TMEM106B: variants seen among roughly 807,000 people sequenced by gnomAD.
The protein encoded by TMEM106B is transmembrane protein 106B.
A neutral mutation model predicts 31.1 loss-of-function variants in TMEM106B; 15 were observed. The observed-to-expected ratio is 0.48, with a 90% CI of 0.32 to 0.74. TMEM106B has a LOEUF of 0.74. Among genes scored for constraint, TMEM106B ranks in the 30% least tolerant of loss-of-function variants. The pLI is 0.03. For missense variants in TMEM106B, 283 were observed against 327.3 expected (o/e 0.86, Z 1.04); for synonymous variants, 126 against 112.5 (o/e 1.12, Z -0.76).
chr7:12,218,589 T>C (rs995690770), intron 3 of TMEM106B, 68 bp downstream of exon 3: 4 of 1,341,570 alleles, frequency 3.0e-6, no homozygotes, highest in Non-Finnish European at 4.1e-6. Flanking sequence ...TTTCAAATTA[T>C]GTATAATAAC....
At chr7:12,213,923 G>C (rs1781631330) in intron 1 of TMEM106B, among the ~76,000 whole-genome samples, 1 of 152,060 alleles carries the variant, frequency 6.6e-6, no homozygotes. Context: ...TGGGTGGAGG[G>C]GATTGAACAT....
intron 1 of TMEM106B, among the ~76,000 whole-genome samples, chr7:12,212,245 A>G (rs1238512260): frequency 3.3e-5 from 5 of 152,192 alleles, no homozygotes; most frequent in Admixed American, 1.3e-4. Context: ...GTTAAGATGC[A>G]GCTTACAGCC....
chr7:12,231,195 A>G (rs1366661759), intron 7 of TMEM106B, 80 bp downstream of exon 7: 8 of 994,734 alleles, frequency 8.0e-6, no homozygotes, highest in Non-Finnish European at 1.1e-5. Flanking sequence ...TATACACAAC[A>G]TCTTTATAAA....
At chr7:12,211,831 A>C (rs1476951121) in intron 1 of TMEM106B, among the ~76,000 whole-genome samples, 1 of 152,316 alleles carries the variant, frequency 6.6e-6, no homozygotes, top group East Asian at 1.9e-4. Context: ...TTAGAACTAA[A>C]ACCAGTGTCT....
Position 12,224,324 on chromosome 7 carries a change from G to T in TMEM106B, c.380G>T (p.Gly127Val). ...CGCTCTATCGACGTGAAATACATTG[G>T]TGTAAAATCAGCCTATGTCAGTTAT... is the stretch of plus-strand genomic sequence containing the variant. Reference protein sequence around the residue: ...FPRSIDVKYIGVKSAYVSYDV... With the variant: ...FPRSIDVKYIVVKSAYVSYDV... Residue 127 changes from glycine to valine, a missense_variant, in exon 4 of 8, where the codon GGT (glycine) becomes GTT (valine). Physicochemically the swap from Gly to Val is moderately radical, Grantham distance 109 (BLOSUM62 -3). Transcript: ENST00000396668. 1 of 1,613,946 alleles carries T rather than the reference G, an allele frequency of 6.2e-7. No homozygotes were observed. Among genetic ancestry groups the T allele is most frequent in the Non-Finnish European group, 8.5e-7 (1 of 1,179,932 alleles).
chr7:12,228,641 G>A (rs762007655), intron 4 of TMEM106B, among the ~76,000 whole-genome samples: 17 of 151,692 alleles, frequency 1.1e-4, no homozygotes, highest in Admixed American at 4.6e-4. Flanking sequence ...AGGATTGCCC[G>A]ATCAAAGTCT....
chr7:12,231,829 A>AT lies in TMEM106B; in HGVS notation c.687-3dup, dbSNP rs772196519. On this transcript the variant is annotated splice_polypyrimidine_tract_variant and splice_region_variant and intron_variant, in intron 7 of 7. Coordinates refer to ENST00000396668, the MANE Select transcript of TMEM106B (RefSeq NM_001134232.2). ...TTAAATGTCTCTCCTCACTTACATT[A>AT]TTTTTAGAGTTACTGTGACAACAAC... 1.3e-6 allele frequency: 2 copies of AT among 1,589,754 alleles called. No individual in the cohort carries two copies. The highest frequency in any genetic ancestry group is 2.7e-5 in the African/African-American group (2 of 74,526).
At chr7:12,220,276 A>G (rs887304684) in intron 3 of TMEM106B, among the ~76,000 whole-genome samples, 1 of 152,196 alleles carries the variant, frequency 6.6e-6, no homozygotes, top group African/African-American at 2.4e-5. Flanking sequence ...ATGATTTTGA[A>G]TGCAGAAAAG....
chr7:12,214,188 C>T (rs1385584361), intron 1 of TMEM106B: 2 of 152,180 alleles, frequency 1.3e-5, no homozygotes, highest in African/African-American at 4.8e-5. Flanking sequence ...ACAGAATCCC[C>T]TTTCCTTTCC....
chr7:12,218,080 C>T (rs929908550), intron 2 of TMEM106B, among the ~76,000 whole-genome samples: 8 of 151,928 alleles, frequency 5.3e-5, no homozygotes, highest in African/African-American at 1.9e-4. Flanking sequence ...CAGGAAAGGG[C>T]GATACCAATA....
chr7:12,221,050 G>A (rs1434865410), intron 3 of TMEM106B, among the ~76,000 whole-genome samples: 1 of 151,674 alleles, frequency 6.6e-6, no homozygotes, highest in Middle Eastern at 3.4e-3. Flanking sequence ...TCTGAGTTTG[G>A]GAAGGAATTT....
chr7:12,220,400 A>G (rs1361936361), intron 3 of TMEM106B, among the ~76,000 whole-genome samples: 1 of 152,188 alleles, frequency 6.6e-6, no homozygotes, highest in Non-Finnish European at 1.5e-5. Flanking sequence ...ACAGAGGGCC[A>G]ATATCCTTAC....
intron 1 of TMEM106B, among the ~76,000 whole-genome samples, chr7:12,212,543 C>A (rs550567589): frequency 6.6e-6 from 1 of 150,870 alleles, no homozygotes; most frequent in South Asian, 2.1e-4. Flanking sequence ...TGTTTGCATA[C>A]CATTTGTATA....
intron 2 of TMEM106B, among the ~76,000 whole-genome samples, chr7:12,217,237 T>C (rs1007194307): frequency 5.3e-5 from 8 of 152,146 alleles, no homozygotes; most frequent in African/African-American, 1.9e-4. Context: ...GGTTTATTCT[T>C]GGTAATAAAA....
intron 3 of TMEM106B, among the ~76,000 whole-genome samples, chr7:12,221,940 G>A (rs1562705148): frequency 6.6e-6 from 1 of 152,110 alleles, no homozygotes; most frequent in Non-Finnish European, 1.5e-5. Flanking sequence ...GCTCACACAA[G>A]GCCAAGAACA....
At chr7:12,217,659 T>C (rs767558218) in intron 2 of TMEM106B, among the ~76,000 whole-genome samples, 18 of 152,120 alleles carry the variant, frequency 1.2e-4, no homozygotes, top group Non-Finnish European at 2.5e-4. Context: ...CAGATATCCA[T>C]GTTATATGTA....
chr7:12,216,238 C>G (rs1256559957), intron 2 of TMEM106B, among the ~76,000 whole-genome samples: 1 of 151,942 alleles, frequency 6.6e-6, no homozygotes, highest in East Asian at 1.9e-4. Context: ...AGTCTGGTTA[C>G]ATTTTTGAGG....
Position 12,243,045 on chromosome 7 carries a change from A to G in TMEM106B, c.*11070A>G, listed in dbSNP as rs1247091730. The G allele has an allele frequency of 6.6e-6, 1 of 152,120 alleles. No homozygotes were observed. The highest frequency in any genetic ancestry group is 1.5e-5 in the Non-Finnish European group (1 of 67,970). The allele number at this position is 152,120 out of a possible 1,614,324, so 9.4% of individuals were successfully genotyped here. On this transcript the variant is annotated 3_prime_UTR_variant, in exon 8 of 8. Transcript: ENST00000396668. ...CTTGAAAAGAACTTCGTATAACATC[A>G]TTAGATTTTTACAGAATCTTTAAAA... is the stretch of plus-strand genomic sequence containing the variant.
chr7:12,218,317 T>G (rs1781727212), intron 2 of TMEM106B, 141 bp from the exon 3 acceptor site: 1 of 532,386 alleles, frequency 1.9e-6, no homozygotes, highest in Non-Finnish European at 3.2e-6. Context: ...GCTGGATACT[T>G]TCTGAAGACT....
Sources: allele counts gnomAD v4.1 joint callset (sites outside exome capture counted in the v4.1 genomes callset), GRCh38; gene constraint gnomAD v4.1.1; transcripts MANE v1.5; gene names NCBI Gene and HGNC (gene_info 2026-07-23, HGNC 2026-07-21).